Variants in ASMT observed in about 807,000 individuals in gnomAD.
ASMT encodes acetylserotonin O-methyltransferase.
In ASMT, 53 loss-of-function variants were observed where a neutral mutation model predicts 41.3. The ratio of observed to expected loss-of-function variants is 1.28; its 90% confidence interval spans 1.03 to 1.61. The LOEUF (loss-of-function observed/expected upper bound fraction) is 1.61, where lower values mean the gene tolerates loss of function less well. ASMT is among the 40% of genes most tolerant of loss of function. ASMT has a pLI of 0.00. For synonymous variants in ASMT, 231 were observed against 184.8 expected (o/e 1.25, Z -2.03); for missense variants, 531 against 441.3 (o/e 1.20, Z -1.82).
At position 1,616,344 on chromosome X, in the gene ASMT, A is replaced by G. The variant is rs1449090219; in HGVS notation, c.69+1076A>G. On this transcript the variant is annotated intron_variant, in intron 1 of 8. Coordinates refer to ENST00000381241, the MANE Select transcript of ASMT (RefSeq NM_001171038.2). ...CATCGTGCTCAGTGAAGGAAGGCTG[A>G]CGTGAAAGGCCCCATATGGTATGAC... Among the ~76,000 whole-genome samples the G allele has an allele frequency of 5.4e-4, 81 of 151,364 alleles. 2 individuals carry two copies. Among genetic ancestry groups the G allele is most frequent in the Non-Finnish European group, 8.1e-4 (55 of 67,666 alleles).
At chrX:1,641,445 G>C (rs1156718732) in intron 8 of ASMT, among the ~76,000 whole-genome samples, 2 of 148,938 alleles carry the variant, frequency 1.3e-5, no homozygotes, top group Non-Finnish European at 3.0e-5. Context: ...CTCTGTGTGT[G>C]ATGGGGACAG....
chrX:1,618,594 TC>T (rs1934223087), intron 1 of ASMT, among the ~76,000 whole-genome samples: 1 of 145,172 alleles, frequency 6.9e-6, no homozygotes, highest in Non-Finnish European at 1.5e-5. Flanking sequence ...GCCACTGACA[TC>T]CAGCTAATTT....
At chrX:1,627,906 C>T in intron 4 of ASMT, 135 bp downstream of exon 4, 1 of 853,748 alleles carries the variant, frequency 1.2e-6, no homozygotes, top group East Asian at 2.4e-5. Context: ...ATAACATCCC[C>T]TATCCCCACT....
At chrX:1,630,646 T>C (rs781415010) in intron 5 of ASMT, among the ~76,000 whole-genome samples, 3 of 152,000 alleles carry the variant, frequency 2.0e-5, no homozygotes, top group African/African-American at 7.2e-5. Context: ...AGCCTCAGAC[T>C]CTCAGGCTCA....
intron 1 of ASMT, among the ~76,000 whole-genome samples, chrX:1,620,166 C>CT (rs1180256764): frequency 0.018 from 1,751 of 95,388 alleles, 88 homozygotes; most frequent in African/African-American, 0.027. Flanking sequence ...ATTAATATAG[C>CT]TTTTTTTTTT....
chrX:1,622,955 A>G (rs1471346374), intron 1 of ASMT, among the ~76,000 whole-genome samples, 184 bp from the exon 2 acceptor site: 1 of 151,812 alleles, frequency 6.6e-6, no homozygotes, highest in Non-Finnish European at 1.5e-5. Context: ...ATAAATAAAT[A>G]TGACTGTTTT....
Position 1,629,971 on chromosome X carries a change from G to A in ASMT, c.562+32G>A, listed in dbSNP as rs370814726. On this transcript the variant is annotated intron_variant, in intron 5 of 8. Transcript: ENST00000381241. ...ACCCCTCACCACTAATACCTCGGAG[G>A]TGTGGCTTCTGTTCTGTATGGGGAA... is the stretch of plus-strand genomic sequence containing the variant. The A allele has an allele frequency of 7.1e-5, 111 of 1,555,426 alleles. 1 individual carries two copies. The highest frequency in any genetic ancestry group is 6.7e-4 in the Middle Eastern group (4 of 5,962).
At chrX:1,629,407 C>T (rs1482501619) in intron 4 of ASMT, among the ~76,000 whole-genome samples, 1 of 152,160 alleles carries the variant, frequency 6.6e-6, no homozygotes, top group Non-Finnish European at 1.5e-5. Context: ...CTCCATCTCA[C>T]CTGCCTCCCT....
intron 1 of ASMT, among the ~76,000 whole-genome samples, chrX:1,615,768 C>T (rs768185677): frequency 4.0e-5 from 6 of 151,746 alleles, no homozygotes; most frequent in East Asian, 3.9e-4. Context: ...CACCACTGCA[C>T]TCCCGCCTGG....
At chrX:1,634,083 T>G (rs1243965092) in intron 7 of ASMT, among the ~76,000 whole-genome samples, 2 of 150,656 alleles carry the variant, frequency 1.3e-5, no homozygotes, top group Non-Finnish European at 3.0e-5. Flanking sequence ...AGTCATATCA[T>G]TTCTGCAGTG....
At chrX:1,633,085 G>A (rs1176520565) in intron 6 of ASMT, 65 bp from the exon 7 acceptor site, 8 of 1,601,220 alleles carry the variant, frequency 5.0e-6, no homozygotes, top group Non-Finnish European at 6.8e-6. Context: ...TCCATGGTGT[G>A]TGGAGGGTGA....
At chrX:1,615,376 G>T in intron 1 of ASMT, 108 bp downstream of exon 1, 2 of 1,132,420 alleles carry the variant, frequency 1.8e-6, no homozygotes. Flanking sequence ...ATTTTAGGAG[G>T]TTTATTTTCC....
chrX:1,630,050 C>CT lies in ASMT; in HGVS notation c.562+113dup, dbSNP rs1260654740. 1.7e-4 allele frequency: 172 copies of CT among 992,496 alleles called. No individual in the cohort carries two copies. In the Middle Eastern group the frequency reaches 5.2e-3, roughly 30 times the overall value. The allele number at this position is 992,496 out of a possible 1,614,324, so 61.5% of individuals were successfully genotyped here. ...ATTCTGATGCTTTGACATGTGCGGC[C>CT]TTACTGGTCTTAGAGGAATCATTCC... On this transcript the variant is annotated intron_variant, in intron 5 of 8. Coordinates refer to ENST00000381241, the MANE Select transcript of ASMT (RefSeq NM_001171038.2).
chrX:1,629,737 T>C, intron 4 of ASMT, 84 bp from the exon 5 acceptor site: 1 of 1,273,202 alleles, frequency 7.9e-7, no homozygotes, highest in South Asian at 1.2e-5. Context: ...ATAGCTCCGT[T>C]CTCAACAGGG....
At position 1,623,262 on chromosome X, in the gene ASMT, G is replaced by A; in HGVS notation, c.193G>A (p.Asp65Asn). Reference sequence around the variant, plus strand: ...CGCCCATGGGACAGAGCTCCTGCTGGACATCTGTGTGTCCCTGAAGCTGCT... The same window carrying A: ...CGCCCATGGGACAGAGCTCCTGCTGAACATCTGTGTGTCCCTGAAGCTGCT... ...ASAHGTELLL[D>N]ICVSLKLLKV... The change falls in exon 2 of 9, where the codon GAC becomes AAC. Residue 65 changes from aspartate to asparagine, a missense_variant. Physicochemically the swap from Asp to Asn is conservative, Grantham distance 23. Coordinates refer to ENST00000381241, the MANE Select transcript of ASMT (RefSeq NM_001171038.2). The A allele has an allele frequency of 6.2e-7, 1 of 1,613,928 alleles. No homozygotes were observed. Among genetic ancestry groups the A allele is most frequent in the South Asian group, 1.1e-5 (1 of 91,072 alleles).
At chrX:1,641,298 GC>G (rs1331763761) in intron 8 of ASMT, among the ~76,000 whole-genome samples, 23 of 33,546 alleles carry the variant, frequency 6.9e-4, no homozygotes, top group Admixed American at 1.1e-3. Context: ...CCATGTCCCA[GC>G]TCTCCTGTGA....
chrX:1,642,698 C>T, intron 8 of ASMT, 105 bp from the exon 9 acceptor site: 1 of 1,039,360 alleles, frequency 9.6e-7, no homozygotes, highest in Middle Eastern at 2.9e-4. Flanking sequence ...GGGACGGTGC[C>T]CTGACTGTCC....
At chrX:1,626,449 C>G (rs1202809832) in intron 3 of ASMT, among the ~76,000 whole-genome samples, 3 of 151,964 alleles carry the variant, frequency 2.0e-5, no homozygotes, top group African/African-American at 7.3e-5. Flanking sequence ...TGAGGCTGGT[C>G]TCCAACTCCT....
intron 1 of ASMT, among the ~76,000 whole-genome samples, chrX:1,617,088 G>A (rs28749802): frequency 0.13 from 19,631 of 151,852 alleles, 4,084 homozygotes; most frequent in African/African-American, 0.45. Context: ...CGGGAGGATC[G>A]CTTAAGCCTA....
Sources: gnomAD v4.1 joint callset for allele counts (sites outside exome capture counted in the v4.1 genomes callset) on GRCh38, gnomAD v4.1.1 for gene constraint, MANE v1.5 for transcripts, NCBI Gene and HGNC (gene_info 2026-07-23, HGNC 2026-07-21) for gene names.